PCDH9: variants seen among roughly 807,000 people sequenced by gnomAD.
PCDH9 encodes the protein protocadherin-9.
A neutral mutation model predicts 70.6 loss-of-function variants in PCDH9; 24 were observed. The observed-to-expected ratio is 0.34, with a 90% CI of 0.25 to 0.48. The LOEUF (loss-of-function observed/expected upper bound fraction) is 0.48. Among genes scored for constraint, PCDH9 ranks in the 20% least tolerant of loss-of-function variants. The pLI is 0.99. For missense variants in PCDH9, 1,281 were observed against 1,503.6 expected (o/e 0.85, Z 2.45); for synonymous variants, 562 against 558.5 (o/e 1.01, Z -0.09).
chr13:66,384,462 C>G (rs1178312365), intron 4 of PCDH9, among the ~76,000 whole-genome samples: 1 of 152,126 alleles, frequency 6.6e-6, no homozygotes, highest in East Asian at 1.9e-4. Context: ...TACACTTACA[C>G]ATAATGACAT....
At chr13:66,802,523 T>C (rs1241899502) in intron 3 of PCDH9, among the ~76,000 whole-genome samples, 5 of 152,072 alleles carry the variant, frequency 3.3e-5, no homozygotes, top group African/African-American at 1.2e-4. Context: ...CAATGGAGAA[T>C]CTTATTCAAC....
intron 4 of PCDH9, among the ~76,000 whole-genome samples, chr13:66,398,561 A>T (rs923209646): frequency 1.3e-5 from 2 of 152,122 alleles, no homozygotes; most frequent in Non-Finnish European, 1.5e-5. Flanking sequence ...TTCTGAAAAA[A>T]GTTTATAGAT....
intron 3 of PCDH9, among the ~76,000 whole-genome samples, chr13:66,725,420 A>G (rs920078020): frequency 6.6e-6 from 1 of 152,048 alleles, no homozygotes; most frequent in Non-Finnish European, 1.5e-5. Context: ...TTTGGCACTT[A>G]TTTTCTTCCC....
rs184251082 is a variant in PCDH9, at chr13:67,045,964, A to G, written c.3037-142359T>C. Among the ~76,000 whole-genome samples the G allele has an allele frequency of 3.6e-3, 552 of 152,154 alleles. 5 individuals are homozygous for G. The highest frequency in any genetic ancestry group is 6.8e-3 in the Middle Eastern group (2 of 294). ...TGAATGATACTTGAGCATTTTAATAATGAGAAATAAAAGGAAGAGTGTTTA... is the reference window on the plus strand; with the variant it reads ...TGAATGATACTTGAGCATTTTAATAGTGAGAAATAAAAGGAAGAGTGTTTA... On this transcript the variant is annotated intron_variant, in intron 2 of 4. Coordinates refer to ENST00000377865, the MANE Select transcript of PCDH9 (RefSeq NM_203487.3).
chr13:66,359,968 T>C (rs1956442401), intron 4 of PCDH9, among the ~76,000 whole-genome samples: 1 of 152,066 alleles, frequency 6.6e-6, no homozygotes, highest in African/African-American at 2.4e-5. Context: ...TTTAAATATA[T>C]TTAGATGTGA....
chr13:66,357,458 G>A (rs1484213593), intron 4 of PCDH9, among the ~76,000 whole-genome samples: 1 of 151,994 alleles, frequency 6.6e-6, no homozygotes, highest in Non-Finnish European at 1.5e-5. Flanking sequence ...TACACTAACA[G>A]AGAATAGCCA....
At chr13:67,052,765 C>T (rs773946896) in intron 2 of PCDH9, among the ~76,000 whole-genome samples, 12 of 151,816 alleles carry the variant, frequency 7.9e-5, no homozygotes, top group African/African-American at 1.9e-4. Context: ...CAGAAAGAAC[C>T]GATTTATTCG....
chr13:67,045,563 CA>C (rs1174083000), intron 2 of PCDH9, among the ~76,000 whole-genome samples: 21 of 143,320 alleles, frequency 1.5e-4, no homozygotes, highest in African/African-American at 2.3e-4. Flanking sequence ...GAAAAACAAA[CA>C]AAAAAAAAAC....
chr13:66,352,804 A>T (rs749015133), intron 4 of PCDH9, among the ~76,000 whole-genome samples: 14 of 152,190 alleles, frequency 9.2e-5, no homozygotes, highest in Non-Finnish European at 1.6e-4. Flanking sequence ...ACAATAGCTA[A>T]AAGTGTTTCC....
intron 3 of PCDH9, among the ~76,000 whole-genome samples, chr13:66,857,372 G>A (rs919369702): frequency 4.6e-5 from 7 of 152,062 alleles, no homozygotes; most frequent in African/African-American, 1.7e-4. Flanking sequence ...GAAAATAAAT[G>A]AGCAGTCAAG....
At chr13:67,148,046 T>C (rs1055021309) in intron 2 of PCDH9, among the ~76,000 whole-genome samples, 8 of 152,198 alleles carry the variant, frequency 5.3e-5, no homozygotes, top group Non-Finnish European at 7.3e-5. Flanking sequence ...TCTTTTCTTC[T>C]GAAAGGCTTC....
chr13:66,727,907 C>T (rs751120130), intron 3 of PCDH9, among the ~76,000 whole-genome samples: 1 of 152,026 alleles, frequency 6.6e-6, no homozygotes, highest in East Asian at 1.9e-4. Context: ...AGTAGTAGTT[C>T]ACTTCTAAGA....
At chr13:66,881,625 C>T (rs912662826) in intron 3 of PCDH9, among the ~76,000 whole-genome samples, 1 of 152,130 alleles carries the variant, frequency 6.6e-6, no homozygotes, top group Admixed American at 6.5e-5. Flanking sequence ...AAGCATATTA[C>T]TTGAAGATAT....
intron 4 of PCDH9, among the ~76,000 whole-genome samples, chr13:66,423,723 A>G (rs998933024): frequency 2.0e-5 from 3 of 152,218 alleles, no homozygotes; most frequent in African/African-American, 7.2e-5. Context: ...CCAATATCAT[A>G]CTGAATGGGC....
At chr13:67,188,296 A>G (rs1475620263) in intron 2 of PCDH9, among the ~76,000 whole-genome samples, 1 of 152,154 alleles carries the variant, frequency 6.6e-6, no homozygotes, top group Non-Finnish European at 1.5e-5. Context: ...GTCAAATGCA[A>G]CCCTGTCAAT....
At chr13:67,229,735 CT>C (rs373796841) in intron 1 of PCDH9, 44 bp downstream of exon 1, 6 of 152,250 alleles carry the variant, frequency 3.9e-5, no homozygotes, top group African/African-American at 1.4e-4. Context: ...GAGGACACAT[CT>C]AAACACAGAA....
At chr13:66,509,352 T>G (rs921621505) in intron 4 of PCDH9, among the ~76,000 whole-genome samples, 1 of 152,076 alleles carries the variant, frequency 6.6e-6, no homozygotes, top group Non-Finnish European at 1.5e-5. Flanking sequence ...CATTGAAGGG[T>G]CCCAGTCTCT....
intron 4 of PCDH9, among the ~76,000 whole-genome samples, chr13:66,452,227 T>C (rs1243295227): frequency 1.3e-5 from 2 of 152,164 alleles, no homozygotes; most frequent in African/African-American, 2.4e-5. Flanking sequence ...ATTTTTTCCA[T>C]TCTAATAATA....
intron 2 of PCDH9, chr13:67,201,843 T>C (rs1352322629): frequency 1.3e-5 from 2 of 152,056 alleles, no homozygotes; most frequent in Non-Finnish European, 2.9e-5. Flanking sequence ...CAATTTAATA[T>C]ACTGTACTGT....
Sources: gnomAD v4.1 joint callset for allele counts (sites outside exome capture counted in the v4.1 genomes callset) on GRCh38, gnomAD v4.1.1 for gene constraint, MANE v1.5 for transcripts, NCBI Gene and HGNC (gene_info 2026-07-23, HGNC 2026-07-21) for gene names.